Variants in NUDT3 observed in about 807,000 individuals in gnomAD.
NUDT3 encodes the protein diphosphoinositol polyphosphate phosphohydrolase 1.
Under a neutral mutation model 23.6 loss-of-function variants are expected in NUDT3, and 9 were observed. The observed-to-expected ratio is 0.38, with a 90% CI of 0.23 to 0.66. NUDT3 has a LOEUF of 0.66. NUDT3 is among the 30% of genes least tolerant of loss of function. The pLI is 0.52. For missense variants in NUDT3, 172 were observed against 218.5 expected (o/e 0.79, Z 1.34); for synonymous variants, 86 against 82.6 (o/e 1.04, Z -0.22).
intron 2 of NUDT3, among the ~76,000 whole-genome samples, chr6:34,319,967 T>C (rs1261485839): frequency 6.6e-6 from 1 of 152,152 alleles, no homozygotes; most frequent in Admixed American, 6.5e-5. Flanking sequence ...GCTATGACAG[T>C]TAGGAGCCAG....
At chr6:34,298,224 G>A (rs1763545011) in intron 2 of NUDT3, among the ~76,000 whole-genome samples, 1 of 152,000 alleles carries the variant, frequency 6.6e-6, no homozygotes, top group Non-Finnish European at 1.5e-5. Flanking sequence ...AGCTGGGGAT[G>A]GTGGCACATG....
intron 2 of NUDT3, among the ~76,000 whole-genome samples, chr6:34,335,727 G>A (rs1290957961): frequency 1.3e-5 from 2 of 148,504 alleles, no homozygotes; most frequent in African/African-American, 5.0e-5. Context: ...AAAAAAAAAA[G>A]TGTTTTTTTC....
chr6:34,292,699 T>A (rs957302853), intron 4 of NUDT3, among the ~76,000 whole-genome samples: 2 of 152,162 alleles, frequency 1.3e-5, no homozygotes, highest in African/African-American at 4.8e-5. Context: ...CTAAATGATT[T>A]CTGGAGGGAC....
At chr6:34,354,435 A>ACACACACACC (rs1210510268) in intron 1 of NUDT3, among the ~76,000 whole-genome samples, 1 of 146,864 alleles carries the variant, frequency 6.8e-6, no homozygotes, top group African/African-American at 2.5e-5. Flanking sequence ...ACACATACAC[A>ACACACACACC]CTCTTGGCCG....
intron 4 of NUDT3, among the ~76,000 whole-genome samples, chr6:34,290,245 C>CT (rs765049070): frequency 0.018 from 2,596 of 143,848 alleles, 46 homozygotes; most frequent in African/African-American, 0.053. Flanking sequence ...TTCTTTCTCT[C>CT]TTTTTTTTTT....
intron 2 of NUDT3, among the ~76,000 whole-genome samples, chr6:34,319,327 G>A (rs940352055): frequency 3.3e-5 from 5 of 152,142 alleles, no homozygotes; most frequent in African/African-American, 1.2e-4. Context: ...CACAAGTCCA[G>A]GCCTCTAGAA....
Position 34,285,958 on chromosome 6 carries a change from A to G in NUDT3, c.*2795T>C, listed in dbSNP as rs1763329036. On this transcript the variant is annotated 3_prime_UTR_variant, in exon 5 of 5. Transcript: ENST00000607016. The stretch of plus-strand genomic sequence containing the variant: ...TTGGCACAGTTCACTTTCCTGACCC[A>G]AAGACACCAACAACAATCAAAACTG... 6.6e-6 allele frequency: 1 copy of G among 152,232 alleles called. No individual in the cohort carries two copies. Among genetic ancestry groups the G allele is most frequent in the Non-Finnish European group, 1.5e-5 (1 of 68,044 alleles). 9.4% of individuals were successfully genotyped at this position (152,232 alleles called of 1,614,324 possible).
At chr6:34,324,034 C>T (rs991040688) in intron 2 of NUDT3, among the ~76,000 whole-genome samples, 4 of 152,210 alleles carry the variant, frequency 2.6e-5, no homozygotes. Context: ...AATAGCATCA[C>T]TAAGTGCTTA....
chr6:34,314,558 CA>C (rs397933941), intron 2 of NUDT3, among the ~76,000 whole-genome samples: 310 of 102,428 alleles, frequency 3.0e-3, no homozygotes, highest in Middle Eastern at 0.011. Context: ...GACTCTGTCT[CA>C]AAAAAAAAAA....
At chr6:34,326,948 G>GAT (rs1481527238) in intron 2 of NUDT3, among the ~76,000 whole-genome samples, 1 of 152,040 alleles carries the variant, frequency 6.6e-6, no homozygotes, top group Non-Finnish European at 1.5e-5. Flanking sequence ...ACGAGAGAGA[G>GAT]ATCGTACGAA....
At chr6:34,318,988 G>C (rs752638879) in intron 2 of NUDT3, among the ~76,000 whole-genome samples, 6 of 151,904 alleles carry the variant, frequency 3.9e-5, no homozygotes, top group Non-Finnish European at 8.8e-5. Flanking sequence ...GTCCAAGCCT[G>C]TGGCAAGAGA....
rs1763331947 is a variant in NUDT3, at chr6:34,286,177, G to A, written c.*2576C>T. 1 of 152,194 alleles carries A rather than the reference G, an allele frequency of 6.6e-6. No individual in the cohort carries two copies. Among genetic ancestry groups the A allele is most frequent in the African/African-American group, 2.4e-5 (1 of 41,430 alleles). 9.4% of individuals were successfully genotyped at this position (152,194 alleles called of 1,614,324 possible). A position where few individuals can be genotyped will look rare whatever the true frequency, so the allele number is the denominator to read the frequency against. On this transcript the variant is annotated 3_prime_UTR_variant, in exon 5 of 5. Coordinates refer to ENST00000607016, the MANE Select transcript of NUDT3 (RefSeq NM_006703.4). ...GCTTACTGCAACCTCTGCCTCCCAG[G>A]TTTAAGCAATTCTCATGCTTCAGCC...
At chr6:34,346,994 C>G (rs1414357051) in intron 1 of NUDT3, among the ~76,000 whole-genome samples, 1 of 152,174 alleles carries the variant, frequency 6.6e-6, no homozygotes, top group Admixed American at 6.5e-5. Flanking sequence ...GTCTTGAACT[C>G]CTGACCTCAA....
chr6:34,347,137 G>A (rs1447501914), intron 1 of NUDT3, among the ~76,000 whole-genome samples: 1 of 152,088 alleles, frequency 6.6e-6, no homozygotes, highest in Non-Finnish European at 1.5e-5. Flanking sequence ...ATGGTGTTCT[G>A]TTCAGTAAAT....
chr6:34,332,603 A>G (rs1764144874), intron 2 of NUDT3, among the ~76,000 whole-genome samples: 2 of 152,360 alleles, frequency 1.3e-5, no homozygotes, highest in South Asian at 4.1e-4. Flanking sequence ...TAGTGTTTAC[A>G]TTGCATGAGG....
At chr6:34,304,229 T>C (rs558947369) in intron 2 of NUDT3, among the ~76,000 whole-genome samples, 28 of 137,666 alleles carry the variant, frequency 2.0e-4, no homozygotes, top group Non-Finnish European at 4.0e-4. Context: ...CCAGCCTGGG[T>C]GACAAGAGTG....
In NUDT3 at chr6:34,282,753, T is replaced by C. The variant is rs1250133625; in HGVS notation, c.*6000A>G. ...TGGCAAAACGACAATGCTGCTGTTT[T>C]TGTATCCTTTAAAGCCTATATCCAG... On this transcript the variant is annotated 3_prime_UTR_variant, in exon 5 of 5. Transcript: ENST00000607016. The C allele has an allele frequency of 6.6e-6, 1 of 152,194 alleles. No individual in the cohort carries two copies. The highest frequency in any genetic ancestry group is 1.5e-5 in the Non-Finnish European group (1 of 68,036). The allele number at this position is 152,194 out of a possible 1,614,324, so 9.4% of individuals were successfully genotyped here.
intron 2 of NUDT3, among the ~76,000 whole-genome samples, chr6:34,313,621 T>C (rs755784132): frequency 7.9e-5 from 12 of 151,858 alleles, no homozygotes; most frequent in Non-Finnish European, 1.5e-4. Context: ...ATGGGAACTC[T>C]GTGTGGTTTG....
chr6:34,311,601 C>G (rs1203508743), intron 2 of NUDT3, among the ~76,000 whole-genome samples: 1 of 152,072 alleles, frequency 6.6e-6, no homozygotes, highest in Admixed American at 6.6e-5. Context: ...TAAGGAGATG[C>G]AAAAGCCCAG....
Sources: gnomAD v4.1 joint callset for allele counts (sites outside exome capture counted in the v4.1 genomes callset) on GRCh38, gnomAD v4.1.1 for gene constraint, MANE v1.5 for transcripts, NCBI Gene and HGNC (gene_info 2026-07-23, HGNC 2026-07-21) for gene names.